CAST: variants seen among roughly 807,000 people sequenced by gnomAD.
The protein encoded by CAST is calpastatin.
A neutral mutation model predicts 119.6 loss-of-function variants in CAST; 76 were observed. That is an observed-to-expected ratio of 0.64 (90% CI 0.53 to 0.77). The LOEUF is 0.77. CAST is among the 30% of genes least tolerant of loss of function. The pLI is 0.00. For synonymous variants in CAST, 319 were observed against 331.6 expected, an observed-to-expected ratio of 0.96 and a Z score of 0.41; for missense variants, 953 against 946.5, an observed-to-expected ratio of 1.01 and a Z score of -0.09.
intron 27 of CAST, 23 bp from the exon 28 acceptor site, chr5:96,767,415 C>T (rs758496152): frequency 4.4e-6 from 7 of 1,602,288 alleles, no homozygotes; most frequent in Middle Eastern, 3.3e-4. Context: ...TATGCTTAAC[C>T]AATAGTCTGC....
the CAST span, among the ~76,000 whole-genome samples, chr5:96,178,959 C>A: frequency 6.6e-6 from 1 of 152,170 alleles, no homozygotes; most frequent in South Asian, 2.1e-4. Flanking sequence ...TCCATCCCAG[C>A]AAGAAGAGAG....
At chr5:96,568,564 CAAAAAAA>C (rs70981830) in intron 1 of CAST, among the ~76,000 whole-genome samples, 1 of 70,918 alleles carries the variant, frequency 1.4e-5, no homozygotes, top group Non-Finnish European at 2.4e-5. Context: ...GACTCCATCT[CAAAAAAA>C]AAAAAAAAAA....
the CAST span, among the ~76,000 whole-genome samples, chr5:96,442,461 T>G: frequency 4.6e-5 from 7 of 152,350 alleles, no homozygotes; most frequent in Admixed American, 2.6e-4. Flanking sequence ...GCCCTATGTT[T>G]CTAGGTTTAT....
At chr5:96,733,063 T>C (rs697976) in intron 9 of CAST, among the ~76,000 whole-genome samples, 78,037 of 152,034 alleles carry the variant, frequency 0.51, 20,082 homozygotes, top group Non-Finnish European at 0.54. Flanking sequence ...ATTTTTTTCC[T>C]TCTGGGATTT....
chr5:96,037,913 G>A, the CAST span, among the ~76,000 whole-genome samples: 1 of 152,128 alleles, frequency 6.6e-6, no homozygotes, highest in Non-Finnish European at 1.5e-5. Flanking sequence ...AGAGCCAGAG[G>A]TTGGTATCTT....
chr5:96,010,366 C>T, the CAST span, among the ~76,000 whole-genome samples: 3 of 152,178 alleles, frequency 2.0e-5, no homozygotes, highest in Non-Finnish European at 2.9e-5. Flanking sequence ...GGCTGGAGTG[C>T]AATGGCACGA....
At chr5:96,450,112 C>G in the CAST span, among the ~76,000 whole-genome samples, 1 of 152,194 alleles carries the variant, frequency 6.6e-6, no homozygotes, top group Non-Finnish European at 1.5e-5. Flanking sequence ...CTTGTATGTT[C>G]ATCACAGAGC....
At chr5:96,416,743 A>G in the CAST span, among the ~76,000 whole-genome samples, 2 of 152,246 alleles carry the variant, frequency 1.3e-5, no homozygotes, top group Admixed American at 6.5e-5. Flanking sequence ...TTGGAAAGCC[A>G]AGATGCTCCT....
At chr5:96,616,945 C>T (rs1747469997) in intron 1 of CAST, among the ~76,000 whole-genome samples, 1 of 152,082 alleles carries the variant, frequency 6.6e-6, no homozygotes, top group East Asian at 1.9e-4. Flanking sequence ...CAGGGCAGGG[C>T]ATGGTGCCCT....
At chr5:96,238,478 C>A in the CAST span, among the ~76,000 whole-genome samples, 1 of 151,772 alleles carries the variant, frequency 6.6e-6, no homozygotes, top group African/African-American at 2.4e-5. Context: ...ACCTCTGCCT[C>A]CCAGGTTCAA....
chr5:96,358,106 G>A, the CAST span, among the ~76,000 whole-genome samples: 1 of 152,126 alleles, frequency 6.6e-6, no homozygotes. Flanking sequence ...AGATTTTCTA[G>A]TTTATTTGCA....
chr5:96,376,929 G>A, the CAST span, among the ~76,000 whole-genome samples: 1 of 152,128 alleles, frequency 6.6e-6, no homozygotes, highest in African/African-American at 2.4e-5. Flanking sequence ...ATGTGGAAGT[G>A]GAAGACAGTG....
At chr5:96,700,203 G>C (rs1330848784) in intron 3 of CAST, among the ~76,000 whole-genome samples, 3 of 152,154 alleles carry the variant, frequency 2.0e-5, no homozygotes, top group Non-Finnish European at 2.9e-5. Flanking sequence ...CTGTGTGTTA[G>C]ACAAGAAAGC....
the CAST span, among the ~76,000 whole-genome samples, chr5:96,437,877 G>A: frequency 6.6e-6 from 1 of 152,104 alleles, no homozygotes; most frequent in African/African-American, 2.4e-5. Context: ...GGTTTGGATT[G>A]GCTGAAATGG....
At chr5:96,535,422 A>C (rs1011698759) in intron 1 of CAST, among the ~76,000 whole-genome samples, 3 of 152,172 alleles carry the variant, frequency 2.0e-5, no homozygotes, top group Non-Finnish European at 4.4e-5. Flanking sequence ...ATTTAGAAAT[A>C]TGGAGCTAAG....
chr5:96,183,414 A>G, the CAST span, among the ~76,000 whole-genome samples: 1 of 152,000 alleles, frequency 6.6e-6, no homozygotes, highest in South Asian at 2.1e-4. Flanking sequence ...GAAAAGAAAT[A>G]TGTTGTATTT....
rs141865279 is a variant in CAST at position 96,592,749 on chromosome 5, T to C, written c.60+62869T>C. On this transcript the variant is annotated intron_variant, in intron 1 of 11. Transcript: ENST00000505143. ...TAAATTCCTTCATTTGGCACTTACATTTCTGTTTTATTTTCTTTTTTTTTT... is the reference window on the plus strand; with the variant it reads ...TAAATTCCTTCATTTGGCACTTACACTTCTGTTTTATTTTCTTTTTTTTTT... 1.5e-4 allele frequency among the ~76,000 whole-genome samples: 22 copies of C among 149,156 alleles called. No homozygotes were observed. The East Asian group carries it at 4.5e-3, about 30-fold the overall frequency.
rs146164519 is a variant in CAST, at chr5:96,609,971, T to C, written c.61-65568T>C. 4.4e-3 allele frequency among the ~76,000 whole-genome samples: 673 copies of C among 152,258 alleles called. 2 individuals carry two copies. The highest frequency in any genetic ancestry group is 6.5e-3 in the Non-Finnish European group (445 of 68,014). On this transcript the variant is annotated intron_variant, in intron 1 of 11. Coordinates refer to the CAST transcript ENST00000505143. ...TTGGGAGGGGCCAGAGGTGAAATGATATGGTTTGGCTGTGTCCCCACTCAA... is the reference window on the plus strand; with the variant it reads ...TTGGGAGGGGCCAGAGGTGAAATGACATGGTTTGGCTGTGTCCCCACTCAA...
the CAST span, among the ~76,000 whole-genome samples, chr5:96,294,979 G>T: frequency 9.2e-5 from 14 of 152,288 alleles, no homozygotes; most frequent in African/African-American, 3.1e-4. Context: ...CCAGAGGAAA[G>T]CTTCATTAGT....
Sources: gnomAD v4.1 joint callset for allele counts (sites outside exome capture counted in the v4.1 genomes callset) on GRCh38, gnomAD v4.1.1 for gene constraint, MANE v1.5 for transcripts, NCBI Gene and HGNC (gene_info 2026-07-23, HGNC 2026-07-21) for gene names.